The following ASAP1 variants were observed in gnomAD, a reference collection of about 807,000 sequenced individuals.
ASAP1 encodes the protein arf-GAP with SH3 domain, ANK repeat and PH domain-containing protein 1.
ASAP1 carries 43 observed loss-of-function variants against 145.2 expected under a neutral mutation model. The observed-to-expected ratio is 0.30, with a 90% confidence interval of 0.23 to 0.38. The LOEUF (loss-of-function observed/expected upper bound fraction) is 0.38, where lower values mean the gene tolerates loss of function less well. Among genes scored for constraint, ASAP1 ranks in the 10% least tolerant of loss-of-function variants. The probability of loss-of-function intolerance (pLI) is 1.00; values close to 1 mark genes in which losing one functional copy is unlikely to be tolerated. For missense variants in ASAP1, 1,018 were observed against 1,355.3 expected, an observed-to-expected ratio of 0.75 and a Z score of 3.91; for synonymous variants, 546 against 515.5, an observed-to-expected ratio of 1.06 and a Z score of -0.80.
chr8:130,220,749 C>T (rs1817242072), intron 4 of ASAP1, among the ~76,000 whole-genome samples: 1 of 152,160 alleles, frequency 6.6e-6, no homozygotes, highest in Admixed American at 6.5e-5. Flanking sequence ...TTAATTGACT[C>T]AGTTCAGCCA....
intron 3 of ASAP1, chr8:130,246,853 G>C (rs1818883312): frequency 6.6e-6 from 1 of 152,150 alleles, no homozygotes; most frequent in Non-Finnish European, 1.5e-5. Context: ...CACCTAATCA[G>C]TAGAATCCTT....
chr8:130,326,748 T>C (rs904243296), intron 3 of ASAP1, among the ~76,000 whole-genome samples: 3 of 152,246 alleles, frequency 2.0e-5, no homozygotes, highest in Non-Finnish European at 4.4e-5. Context: ...TGGATTCTTC[T>C]ATGAGAATCC....
chr8:130,165,023 A>G (rs2097677032), intron 11 of ASAP1, among the ~76,000 whole-genome samples: 1 of 152,238 alleles, frequency 6.6e-6, no homozygotes, highest in African/African-American at 2.4e-5. Flanking sequence ...AGGAACAGGC[A>G]TGTTGTGAAA....
chr8:130,302,742 G>A (rs1240125433), intron 3 of ASAP1, among the ~76,000 whole-genome samples: 1 of 152,158 alleles, frequency 6.6e-6, no homozygotes, highest in African/African-American at 2.4e-5. Flanking sequence ...AGAGGCTTTT[G>A]GTTCTGGGGC....
At chr8:130,339,431 T>C (rs1825238626) in intron 3 of ASAP1, among the ~76,000 whole-genome samples, 1 of 152,084 alleles carries the variant, frequency 6.6e-6, no homozygotes, top group South Asian at 2.1e-4. Flanking sequence ...TATCCTTGAG[T>C]ACATCGATGC....
At chr8:130,133,148 TAA>T (rs1310917144) in intron 15 of ASAP1, among the ~76,000 whole-genome samples, 1 of 135,230 alleles carries the variant, frequency 7.4e-6, no homozygotes. Flanking sequence ...TCATTAGAAA[TAA>T]AAAAAAAAAA....
At chr8:130,425,037 C>T (rs531692859) in intron 1 of ASAP1, among the ~76,000 whole-genome samples, 1 of 151,016 alleles carries the variant, frequency 6.6e-6, no homozygotes, top group African/African-American at 2.4e-5. Context: ...AGTGGACAAA[C>T]AGTGTGGGTC....
intron 1 of ASAP1, among the ~76,000 whole-genome samples, chr8:130,404,770 A>G (rs902533381): frequency 6.6e-6 from 1 of 152,136 alleles, no homozygotes; most frequent in African/African-American, 2.4e-5. Context: ...GTCCCACTGG[A>G]TTCTGGACTG....
At chr8:130,385,736 C>T (rs1292840223) in intron 2 of ASAP1, among the ~76,000 whole-genome samples, 1 of 152,208 alleles carries the variant, frequency 6.6e-6, no homozygotes, top group Non-Finnish European at 1.5e-5. Context: ...TTCAACAGCC[C>T]GCTAAGGAAG....
chr8:130,251,182 C>T (rs1213910395), intron 3 of ASAP1, among the ~76,000 whole-genome samples: 1 of 152,112 alleles, frequency 6.6e-6, no homozygotes, highest in South Asian at 2.1e-4. Flanking sequence ...CTCTGGGAGG[C>T]TGAGGTAGGT....
At chr8:130,292,947 A>G (rs1264490744) in intron 3 of ASAP1, among the ~76,000 whole-genome samples, 4 of 152,264 alleles carry the variant, frequency 2.6e-5, no homozygotes, top group Non-Finnish European at 5.9e-5. Flanking sequence ...TATTATTTTC[A>G]TCGGCAATCA....
chr8:130,396,551 G>A (rs1828539685), intron 2 of ASAP1, among the ~76,000 whole-genome samples: 1 of 152,238 alleles, frequency 6.6e-6, no homozygotes, highest in Admixed American at 6.5e-5. Flanking sequence ...AGCAGAACTT[G>A]AATACTGTTT....
In ASAP1 at chr8:130,169,112, AAG is replaced by A. The variant is rs772110760; in HGVS notation, c.747-47_747-46del. On this transcript the variant is annotated intron_variant, in intron 9 of 29. Coordinates refer to ENST00000518721, the MANE Select transcript of ASAP1 (RefSeq NM_018482.4). Reference sequence around the variant, plus strand: ...AGATTTACCACCAGTATAAAAAAAAAAGAGTATTTGTTTCCTTATGTGGAAAT... The same window carrying A: ...AGATTTACCACCAGTATAAAAAAAAAAGTATTTGTTTCCTTATGTGGAAAT... 9 of 1,220,960 alleles carry A rather than the reference AAG, an allele frequency of 7.4e-6. No homozygotes were observed. In the African/African-American group the frequency reaches 1.1e-4, roughly 15 times the overall value. 75.6% of individuals were successfully genotyped at this position (1,220,960 alleles called of 1,614,324 possible).
chr8:130,401,490 C>T (rs1465805117), intron 2 of ASAP1, among the ~76,000 whole-genome samples: 1 of 152,126 alleles, frequency 6.6e-6, no homozygotes, highest in Non-Finnish European at 1.5e-5. Flanking sequence ...AATGATCCAC[C>T]CACCTCAGCC....
intron 2 of ASAP1, among the ~76,000 whole-genome samples, chr8:130,395,097 C>T (rs531727725): frequency 3.3e-5 from 5 of 152,298 alleles, no homozygotes; most frequent in South Asian, 2.1e-4. Context: ...ATGTCCCTGC[C>T]GCAGCACAAG....
intron 3 of ASAP1, among the ~76,000 whole-genome samples, chr8:130,248,191 T>TC (rs1366855585): frequency 6.6e-6 from 1 of 151,902 alleles, no homozygotes; most frequent in Non-Finnish European, 1.5e-5. Context: ...ACTCAAGCAT[T>TC]CAGTCTGTGC....
chr8:130,174,488 G>GTATT (rs1813817158), intron 9 of ASAP1, among the ~76,000 whole-genome samples: 1 of 152,188 alleles, frequency 6.6e-6, no homozygotes, highest in East Asian at 1.9e-4. Flanking sequence ...ATGTAACTGA[G>GTATT]TATTTACTCT....
chr8:130,216,949 A>G (rs183630219), intron 4 of ASAP1, among the ~76,000 whole-genome samples: 167 of 152,344 alleles, frequency 1.1e-3, no homozygotes, highest in Non-Finnish European at 2.0e-3. Context: ...ACAGCATCCA[A>G]TGCAACACTG....
rs773861634 is a variant in ASAP1 at position 130,358,153 on chromosome 8, G to A, written c.60-10C>T. The A allele has an allele frequency of 1.1e-5, 17 of 1,599,220 alleles. No individual in the cohort carries two copies. The highest frequency in any genetic ancestry group is 4.5e-5 in the East Asian group (2 of 44,312). ...GATCTGGTCCGGCATCCTGCCGGGA[G>A]GGACGAGACACAAGCGGGGGCGGGG... is the stretch of plus-strand genomic sequence containing the variant. On this transcript the variant is annotated splice_polypyrimidine_tract_variant and intron_variant, in intron 2 of 29. Coordinates refer to ENST00000518721, the MANE Select transcript of ASAP1 (RefSeq NM_018482.4). The surrounding 1 kb of genome is among the most constrained non-coding windows in gnomAD (Gnocchi z 4.1).
Sources: allele counts gnomAD v4.1 joint callset (sites outside exome capture counted in the v4.1 genomes callset), GRCh38; gene constraint gnomAD v4.1.1; non-coding constraint Gnocchi (gnomAD v3.1); transcripts MANE v1.5; gene names NCBI Gene and HGNC (gene_info 2026-07-23, HGNC 2026-07-21).